Variants in MYO10 observed in about 807,000 individuals in gnomAD.
MYO10 encodes unconventional myosin-X.
In MYO10, 133 loss-of-function variants were observed where a neutral mutation model predicts 257.3. That is an observed-to-expected ratio of 0.52 (90% CI 0.45 to 0.60). MYO10 has a LOEUF of 0.60. Among genes scored for constraint, MYO10 ranks in the 20% least tolerant of loss-of-function variants. MYO10 has a pLI of 0.00. For synonymous variants in MYO10, 1,104 were observed against 1,028.6 expected, an observed-to-expected ratio of 1.07 and a Z score of -1.40; for missense variants, 2,399 against 2,635.7, an observed-to-expected ratio of 0.91 and a Z score of 1.97.
rs982649007 is a variant in MYO10 at position 16,822,888 on chromosome 5, T to C, written c.121-4721A>G. Among the ~76,000 whole-genome samples the C allele has an allele frequency of 1.8e-4, 27 of 151,450 alleles. 1 individual carries two copies. The highest frequency in any genetic ancestry group is 8.3e-4 in the South Asian group (4 of 4,802). On this transcript the variant is annotated intron_variant, in intron 2 of 40. Transcript: ENST00000513610. ...ATTTTTAGTAGAGACGGGGTTTCAC[T>C]GTGTTAGCCAGGACGGTCTCGATCT...
intron 19 of MYO10, among the ~76,000 whole-genome samples, chr5:16,750,775 C>T (rs1385094561): frequency 6.6e-6 from 1 of 152,136 alleles, no homozygotes; most frequent in African/African-American, 2.4e-5. Flanking sequence ...GCAAGGAGAT[C>T]ACCTGAGGTC....
chr5:16,871,296 A>G (rs747893308), intron 2 of MYO10, among the ~76,000 whole-genome samples: 1 of 152,202 alleles, frequency 6.6e-6, no homozygotes, highest in East Asian at 1.9e-4. Flanking sequence ...ACCATGCTCT[A>G]AACTTTTGAC....
At chr5:16,704,517 C>A in intron 22 of MYO10, 62 bp downstream of exon 22, 1 of 1,419,074 alleles carries the variant, frequency 7.0e-7, no homozygotes, top group South Asian at 1.2e-5. Context: ...CTGGAACACA[C>A]TGGGAAGGAA....
At chr5:16,840,987 A>C (rs1580061145) in intron 2 of MYO10, among the ~76,000 whole-genome samples, 1 of 97,838 alleles carries the variant, frequency 1.0e-5, no homozygotes. Context: ...CTAAAAATAC[A>C]AAAAAAAATT....
At chr5:16,688,169 G>C (rs894293612) in intron 28 of MYO10, among the ~76,000 whole-genome samples, 6 of 152,174 alleles carry the variant, frequency 3.9e-5, no homozygotes, top group African/African-American at 1.4e-4. Flanking sequence ...TGGTCTCCAG[G>C]AGTCCCAGAC....
rs1313055457 is a variant in MYO10 at position 16,662,656 on chromosome 5, T to C, written c.*4036A>G. ...TTTACAGAGAACTTAGGTGGTGATA[T>C]GGTTTGGCTCTGTCCCCACCCAAAT... On this transcript the variant is annotated 3_prime_UTR_variant, in exon 41 of 41. Transcript: ENST00000513610. 6.6e-6 allele frequency: 1 copy of C among 152,074 alleles called. No homozygotes were observed. The highest frequency in any genetic ancestry group is 1.5e-5 in the Non-Finnish European group (1 of 68,020). 9.4% of individuals were successfully genotyped at this position (152,074 alleles called of 1,614,324 possible). A position where few individuals can be genotyped will look rare whatever the true frequency, so the allele number is the denominator to read the frequency against.
chr5:16,767,785 C>A (rs935073179), intron 10 of MYO10, among the ~76,000 whole-genome samples: 4 of 152,182 alleles, frequency 2.6e-5, no homozygotes, highest in Admixed American at 2.6e-4. Flanking sequence ...TCAAGAGATT[C>A]TCGTGCCTCA....
intron 2 of MYO10, among the ~76,000 whole-genome samples, chr5:16,854,962 G>A (rs1743918876): frequency 6.6e-6 from 1 of 152,082 alleles, no homozygotes; most frequent in Admixed American, 6.6e-5. Flanking sequence ...GAACCTGGGA[G>A]GCGGAGGTTG....
In MYO10 at chr5:16,702,606, A is replaced by G. The variant is rs756358941; in HGVS notation, c.2511-18T>C. On this transcript the variant is annotated intron_variant, in intron 23 of 40. Transcript: ENST00000513610. ...CTCTTTCTCTAAAAATAGTAAAGGA[A>G]AAGTGAAAATCAACAACAATAACCC... is the stretch of plus-strand genomic sequence containing the variant. 19 of 1,567,526 alleles carry G rather than the reference A, an allele frequency of 1.2e-5. 1 individual carries two copies. In the Admixed American group the frequency reaches 3.2e-4, roughly 27 times the overall value.
intron 4 of MYO10, among the ~76,000 whole-genome samples, chr5:16,784,243 GGTTAGGTCA>G (rs1395395375): frequency 1.3e-5 from 2 of 152,244 alleles, no homozygotes; most frequent in African/African-American, 2.4e-5. Flanking sequence ...ATCCAGGTCT[GGTTAGGTCA>G]GCTGGGCTGA....
rs142728979 is a variant in MYO10 at position 16,761,998 on chromosome 5, G to A, written c.1656+47C>T. 8.6e-4 allele frequency: 1,268 copies of A among 1,468,022 alleles called. 17 individuals are homozygous for A. The African/African-American group carries it at 0.017, about 19-fold the overall frequency. The allele number at this position is 1,468,022 out of a possible 1,614,324, so 90.9% of individuals were successfully genotyped here. On this transcript the variant is annotated intron_variant, in intron 16 of 40. Transcript: ENST00000513610. ...GGCTTCTGAAACCACTGTTTTCTCTGAATACCAAACAGGCAAATATCAATA... is the reference window on the plus strand; with the variant it reads ...GGCTTCTGAAACCACTGTTTTCTCTAAATACCAAACAGGCAAATATCAATA...
intron 31 of MYO10, 151 bp downstream of exon 31, chr5:16,681,720 T>C (rs1737010425): frequency 8.6e-7 from 1 of 1,161,884 alleles, no homozygotes; most frequent in Non-Finnish European, 1.2e-6. Flanking sequence ...AGAAACACTT[T>C]ATAATATCAC....
chr5:16,689,822 A>C lies in MYO10; in HGVS notation c.3896+2T>G. 1 of 1,608,752 alleles carries C rather than the reference A, an allele frequency of 6.2e-7. No homozygotes were observed. The highest frequency in any genetic ancestry group is 1.3e-5 in the African/African-American group (1 of 74,862). On this transcript the variant is annotated splice_donor_variant, in intron 28 of 40. Transcript: ENST00000513610. LOFTEE classifies it high-confidence loss of function. ...AACACAAAGTCAACAGCGCAGACTC[A>C]CCTGGCATCTTCTGGGGACTCTGCA... is the stretch of plus-strand genomic sequence containing the variant.
chr5:16,759,346 C>T (rs1041246707), intron 17 of MYO10, among the ~76,000 whole-genome samples: 6 of 152,200 alleles, frequency 3.9e-5, no homozygotes, highest in South Asian at 2.1e-4. Flanking sequence ...TGCCTCCCCA[C>T]AAGCGGCAAT....
rs111848119 is a variant in MYO10, at chr5:16,669,410, T to C, written c.5884-942A>G. 4.1e-3 allele frequency among the ~76,000 whole-genome samples: 631 copies of C among 152,184 alleles called. 3 individuals are homozygous for C. Among genetic ancestry groups the C allele is most frequent in the South Asian group, 0.013 (65 of 4,820 alleles). On this transcript the variant is annotated intron_variant, in intron 39 of 40. Transcript: ENST00000513610. ...TTGCAGAGATGGGGTTTCACCGTGT[T>C]AGCCAGGATGGTCTCGATCTCCTGA... is the stretch of plus-strand genomic sequence containing the variant.
chr5:16,777,839 C>CCTTTTTTTTTTTTTTTTTTTTTT (rs1560979466), intron 9 of MYO10, among the ~76,000 whole-genome samples: 8 of 88,478 alleles, frequency 9.0e-5, no homozygotes, highest in African/African-American at 2.1e-4. Context: ...TTGCATCTAA[C>CCTTTTTTTTTTTTTTTTTTTTTT]TTTTTTTTTT....
At chr5:16,735,145 A>G (rs1301737179) in intron 19 of MYO10, among the ~76,000 whole-genome samples, 1 of 152,234 alleles carries the variant, frequency 6.6e-6, no homozygotes, top group Non-Finnish European at 1.5e-5. Context: ...ATGTTGAAAG[A>G]GTAACTTGCT....
chr5:16,715,264 G>A (rs937114601), intron 19 of MYO10, among the ~76,000 whole-genome samples: 2 of 150,244 alleles, frequency 1.3e-5, no homozygotes, highest in East Asian at 2.0e-4. Context: ...AAAAAATAAA[G>A]ATGATCACTC....
rs772477229 is a variant in MYO10, at chr5:16,681,505, T to C, written c.4190-2A>G. On this transcript the variant is annotated splice_acceptor_variant, in intron 31 of 40. Transcript: ENST00000513610. LOFTEE classifies it high-confidence loss of function. ...TCTTCACCTCTTTGTGCAACCATCC[T>C]GGAAAAAAAGATTAAAGTGTAAATT... 6.3e-7 allele frequency: 1 copy of C among 1,596,564 alleles called. No homozygotes were observed. The highest frequency in any genetic ancestry group is 1.8e-5 in the Admixed American group (1 of 55,136).
Sources: gnomAD v4.1 joint callset for allele counts (sites outside exome capture counted in the v4.1 genomes callset) on GRCh38, gnomAD v4.1.1 for gene constraint, MANE v1.5 for transcripts, NCBI Gene and HGNC (gene_info 2026-07-23, HGNC 2026-07-21) for gene names.